The following PIEZO2 variants were observed in gnomAD, a reference collection of about 807,000 sequenced individuals.
The protein encoded by PIEZO2 is piezo type mechanosensitive ion channel component 2.
PIEZO2 carries 172 observed loss-of-function variants against 337.3 expected under a neutral mutation model. The observed-to-expected ratio is 0.51, with a 90% CI of 0.45 to 0.58. The LOEUF is 0.58. PIEZO2 is among the 20% of genes least tolerant of loss of function. PIEZO2 has a pLI of 0.00. For synonymous variants in PIEZO2, 1,251 were observed against 1,228.5 expected (o/e 1.02, Z -0.38); for missense variants, 3,028 against 3,391.3 (o/e 0.89, Z 2.66).
At chr18:11,103,640 T>C (rs1013658875) in intron 1 of PIEZO2, among the ~76,000 whole-genome samples, 2 of 152,192 alleles carry the variant, frequency 1.3e-5, no homozygotes, top group Non-Finnish European at 1.5e-5. Context: ...CCATAATCAG[T>C]GACAGGTCAT....
Position 10,788,418 on chromosome 18 carries a change from A to G in PIEZO2, c.2169+661T>C, listed in dbSNP as rs866558771. 7.5e-5 allele frequency among the ~76,000 whole-genome samples: 10 copies of G among 132,920 alleles called. No individual in the cohort carries two copies. In the East Asian group the frequency reaches 1.7e-3, roughly 23 times the overall value. 87.2% of individuals were successfully genotyped at this position (132,920 alleles called of 152,430 possible). ...AGCAAGACCCTGTCTCAAAAAAAAAAAAAGAAAGAAAGGAAGGAAGGAAGG... is the reference window on the plus strand; with the variant it reads ...AGCAAGACCCTGTCTCAAAAAAAAAGAAAGAAAGAAAGGAAGGAAGGAAGG... On this transcript the variant is annotated intron_variant, in intron 15 of 55. Transcript: ENST00000674853.
Position 10,724,750 on chromosome 18 carries a change from C to T in PIEZO2, c.5030-6491G>A. ...ACCACTGTACCCCTGGTCTCAGTCC[C>T]TGGCCTTGCCCGTGGCTCTGGCAGT... On this transcript the variant is annotated intron_variant, in intron 36 of 55. Coordinates refer to ENST00000674853, the MANE Select transcript of PIEZO2 (RefSeq NM_001378183.1). The surrounding 1 kb of genome is among the most constrained non-coding windows in gnomAD (Gnocchi z 5.8). The T allele has an allele frequency of 6.4e-7, 1 of 1,554,170 alleles. No homozygotes were observed.
In PIEZO2 at chr18:10,848,933, C is replaced by T. The variant is rs147245909; in HGVS notation, c.917+6420G>A. ...ACTTCAGAACTTTAAACTGAATTAT[C>T]CAGATCACCACAAGATAAGCAAACC... On this transcript the variant is annotated intron_variant, in intron 7 of 55. Transcript: ENST00000674853. Among the ~76,000 whole-genome samples, 523 of 152,280 alleles carry T rather than the reference C, an allele frequency of 3.4e-3. 5 individuals are homozygous for T. The highest frequency in any genetic ancestry group is 0.012 in the African/African-American group (503 of 41,550).
intron 1 of PIEZO2, among the ~76,000 whole-genome samples, chr18:11,139,284 G>A (rs573577867): frequency 6.6e-6 from 1 of 152,246 alleles, no homozygotes; most frequent in Non-Finnish European, 1.5e-5. Context: ...ATAATCTGGC[G>A]TTAGACCTGG....
chr18:11,023,609 C>T lies in PIEZO2; in HGVS notation c.160+42518G>A, dbSNP rs189661123. Among the ~76,000 whole-genome samples, 255 of 152,368 alleles carry T rather than the reference C, an allele frequency of 1.7e-3. 6 individuals are homozygous for T. Among genetic ancestry groups the T allele is most frequent in the Admixed American group, 0.013 (193 of 15,312 alleles). On this transcript the variant is annotated intron_variant, in intron 2 of 55. Coordinates refer to ENST00000674853, the MANE Select transcript of PIEZO2 (RefSeq NM_001378183.1). Reference sequence around the variant, plus strand: ...TCACCCAGTGGATCCCGCACCGGGGCGGCAGGTGGAGCTGCCTGCCAGTCC... The same window carrying T: ...TCACCCAGTGGATCCCGCACCGGGGTGGCAGGTGGAGCTGCCTGCCAGTCC...
chr18:10,877,125 A>G lies in PIEZO2; in HGVS notation c.330-5710T>C, dbSNP rs1055247211. On this transcript the variant is annotated intron_variant, in intron 4 of 55. Transcript: ENST00000674853. The surrounding 1 kb of genome is among the most constrained non-coding windows in gnomAD (Gnocchi z 5.3). ...CCAGACTCTTCTCTACGTCCTACTT[A>G]ATTGTTGATGAGTCCACAAAATTCT... Among the ~76,000 whole-genome samples the G allele has an allele frequency of 1.3e-5, 2 of 152,164 alleles. No individual in the cohort carries two copies. The highest frequency in any genetic ancestry group is 6.5e-5 in the Admixed American group (1 of 15,274).
At position 11,032,940 on chromosome 18, in the gene PIEZO2, T is replaced by C. The variant is rs746452140; in HGVS notation, c.160+33187A>G. 6.6e-6 allele frequency among the ~76,000 whole-genome samples: 1 copy of C among 152,152 alleles called. No individual in the cohort carries two copies. The highest frequency in any genetic ancestry group is 1.5e-5 in the Non-Finnish European group (1 of 68,036). On this transcript the variant is annotated intron_variant, in intron 2 of 55. Coordinates refer to ENST00000674853, the MANE Select transcript of PIEZO2 (RefSeq NM_001378183.1). This position sits in a 1 kb window ranked among gnomAD's most constrained non-coding sequence, Gnocchi z 4.9. ...TTGCTGAGGCCCTTCTAGCCATGGA[T>C]AGCACTGGACTCACAGTCAAGGTAG... is the stretch of plus-strand genomic sequence containing the variant.
chr18:10,843,654 A>G (rs959192157), intron 7 of PIEZO2, among the ~76,000 whole-genome samples: 2 of 152,226 alleles, frequency 1.3e-5, no homozygotes, highest in Non-Finnish European at 2.9e-5. Context: ...TTTTTCACAT[A>G]GCAAGCATTC....
chr18:10,910,348 C>G (rs745432930), intron 4 of PIEZO2, among the ~76,000 whole-genome samples: 1 of 152,166 alleles, frequency 6.6e-6, no homozygotes, highest in Non-Finnish European at 1.5e-5. Context: ...TCTGGGAGGC[C>G]GAGCTGGGCG....
intron 3 of PIEZO2, among the ~76,000 whole-genome samples, chr18:10,944,069 G>C (rs1367683177): frequency 6.6e-6 from 1 of 152,128 alleles, no homozygotes; most frequent in Non-Finnish European, 1.5e-5. Flanking sequence ...CTAGTCTCAG[G>C]AATGTATTTA....
intron 52 of PIEZO2, among the ~76,000 whole-genome samples, chr18:10,679,263 T>A (rs905176429): frequency 1.3e-5 from 2 of 152,164 alleles, no homozygotes; most frequent in Admixed American, 6.5e-5. Context: ...AGACCAAACT[T>A]CAGCCTTTGG....
rs1430692072 is a variant in PIEZO2 at position 10,781,440 on chromosome 18, A to G, written c.2493-1074T>C. 1.3e-5 allele frequency among the ~76,000 whole-genome samples: 2 copies of G among 151,592 alleles called. No individual in the cohort carries two copies. The highest frequency in any genetic ancestry group is 4.9e-5 in the African/African-American group (2 of 41,210). ...AGCCGAGATGGCACCACTGCACTCC[A>G]GCTTGGGCAACAGAGCGAGACTCCG... On this transcript the variant is annotated intron_variant, in intron 17 of 55. Transcript: ENST00000674853. The surrounding 1 kb of genome is among the most constrained non-coding windows in gnomAD (Gnocchi z 4.1).
At position 10,715,782 on chromosome 18, in the gene PIEZO2, T is replaced by C. The variant is rs1021596513; in HGVS notation, c.5124A>G (p.Lys1708=). 67 of 1,532,740 alleles carry C rather than the reference T, an allele frequency of 4.4e-5. No individual in the cohort carries two copies. The highest frequency in any genetic ancestry group is 5.7e-5 in the Non-Finnish European group (65 of 1,143,838). 94.9% of individuals were successfully genotyped at this position (1,532,740 alleles called of 1,614,324 possible). A position where few individuals can be genotyped will look rare whatever the true frequency, so the allele number is the denominator to read the frequency against. Residue 1708 remains lysine, a synonymous_variant, in exon 38 of 56, where the codon AAA becomes AAG. Transcript: ENST00000674853. Reference sequence around the variant, plus strand: ...TTGCCAGAAATAGGACCCAGGTAAATTTCAAAATATTAAATATCCTCTTGA... The same window carrying C: ...TTGCCAGAAATAGGACCCAGGTAAACTTCAAAATATTAAATATCCTCTTGA... ...NIIKRIFNIL[K]FTWVLFLATV...
chr18:10,845,549 G>T (rs547833965), intron 7 of PIEZO2, among the ~76,000 whole-genome samples: 1 of 152,276 alleles, frequency 6.6e-6, no homozygotes, highest in East Asian at 1.9e-4. Flanking sequence ...ACATGGAACT[G>T]ACATTCTTTG....
At position 10,677,064 on chromosome 18, in the gene PIEZO2, T is replaced by C. The variant is rs915058452; in HGVS notation, c.8081+683A>G. 5.9e-5 allele frequency among the ~76,000 whole-genome samples: 9 copies of C among 152,064 alleles called. No homozygotes were observed. The East Asian group carries it at 1.5e-3, about 26-fold the overall frequency. ...TAGTGTGCCCCAAAATGGGTCCCAA[T>C]AGCTGAGGGAGACAGCCACTCTGCA... On this transcript the variant is annotated intron_variant, in intron 53 of 55. Transcript: ENST00000674853. This position sits in a 1 kb window ranked among gnomAD's most constrained non-coding sequence, Gnocchi z 4.1.
Position 10,962,972 on chromosome 18 carries a change from C to G in PIEZO2, c.286+16563G>C, listed in dbSNP as rs75779660. Among the ~76,000 whole-genome samples, 2,808 of 152,234 alleles carry G rather than the reference C, an allele frequency of 0.018. 103 individuals carry two copies. The highest frequency in any genetic ancestry group is 0.063 in the African/African-American group (2,630 of 41,546). ...CTGGGGCTATACATATACCCAGAAT[C>G]ATTCCTCCTGTCAAAATTAAATAGA... On this transcript the variant is annotated intron_variant, in intron 3 of 55. Coordinates refer to ENST00000674853, the MANE Select transcript of PIEZO2 (RefSeq NM_001378183.1). This position sits in a 1 kb window ranked among gnomAD's most constrained non-coding sequence, Gnocchi z 4.1.
intron 2 of PIEZO2, among the ~76,000 whole-genome samples, chr18:11,019,075 G>A (rs115458647): frequency 0.012 from 1,859 of 152,164 alleles, 37 homozygotes; most frequent in African/African-American, 0.041. Flanking sequence ...TTACCTCCAC[G>A]ATGTAACTTA....
At position 11,038,977 on chromosome 18, in the gene PIEZO2, C is replaced by T. The variant is rs1345235328; in HGVS notation, c.160+27150G>A. ...TGGATAGGTGTTTGATATATCCTTA[C>T]GCAAAATAACTGGGCAAAAGATATT... On this transcript the variant is annotated intron_variant, in intron 2 of 55. Transcript: ENST00000674853. This position sits in a 1 kb window ranked among gnomAD's most constrained non-coding sequence, Gnocchi z 4.1. Among the ~76,000 whole-genome samples the T allele has an allele frequency of 3.3e-5, 5 of 152,112 alleles. No individual in the cohort carries two copies. Among genetic ancestry groups the T allele is most frequent in the Admixed American group, 6.5e-5 (1 of 15,270 alleles).
chr18:10,762,006 T>C lies in PIEZO2; in HGVS notation c.3249+494A>G, dbSNP rs553656019. ...TACTTCTAGATGTAGTAGATTCTCT[T>C]TATTAAAAACTATAGATAAACAGAA... On this transcript the variant is annotated intron_variant, in intron 23 of 55. Coordinates refer to ENST00000674853, the MANE Select transcript of PIEZO2 (RefSeq NM_001378183.1). Among the ~76,000 whole-genome samples, 96 of 152,322 alleles carry C rather than the reference T, an allele frequency of 6.3e-4. 1 individual carries two copies. The highest frequency in any genetic ancestry group is 2.2e-3 in the African/African-American group (92 of 41,564).
Sources: allele counts gnomAD v4.1 joint callset (sites outside exome capture counted in the v4.1 genomes callset), GRCh38; gene constraint gnomAD v4.1.1; non-coding constraint Gnocchi (gnomAD v3.1); transcripts MANE v1.5; gene names NCBI Gene and HGNC (gene_info 2026-07-23, HGNC 2026-07-21).